Variants in YAF2 observed in about 807,000 individuals in gnomAD.
YAF2 encodes the protein YY1 associated factor 2, also known as YY1-associated factor 2.
YAF2 carries 7 observed loss-of-function variants against 20.1 expected under a neutral mutation model. The observed-to-expected ratio is 0.35, with a 90% confidence interval of 0.20 to 0.65. The LOEUF (loss-of-function observed/expected upper bound fraction) is 0.65. YAF2 is among the 30% of genes least tolerant of loss of function. The pLI is 0.69. For synonymous variants in YAF2, 74 were observed against 76.0 expected, an observed-to-expected ratio of 0.97 and a Z score of 0.14; for missense variants, 151 against 219.2, an observed-to-expected ratio of 0.69 and a Z score of 1.96.
intron 2 of YAF2, chr12:42,233,913 G>C (rs2068055392): frequency 1.0e-6 from 1 of 985,000 alleles, no homozygotes; most frequent in Non-Finnish European, 1.2e-6. Context: ...TCTCACTCCT[G>C]TAATCCCAGC....
intron 2 of YAF2, chr12:42,210,672 TTTTC>T (rs1218322701): frequency 6.5e-7 from 1 of 1,535,186 alleles, no homozygotes; most frequent in African/African-American, 1.4e-5. Context: ...TGATCCAGCT[TTTTC>T]TTCTCTATCA....
chr12:42,228,333 A>G (rs375818792), intron 2 of YAF2, among the ~76,000 whole-genome samples: 19 of 50,070 alleles, frequency 3.8e-4, no homozygotes, highest in South Asian at 2.3e-3. Context: ...CAGCCACCCC[A>G]TCCGGGAGGT....
intron 2 of YAF2, among the ~76,000 whole-genome samples, chr12:42,219,630 A>T (rs907665929): frequency 4.6e-5 from 7 of 152,202 alleles, no homozygotes; most frequent in African/African-American, 9.7e-5. Flanking sequence ...CTGCACACAC[A>T]CATGCACACA....
Position 42,238,203 on chromosome 12 carries a change from G to A in YAF2, c.-23C>T, listed in dbSNP as rs538176708. The A allele has an allele frequency of 4.0e-6, 6 of 1,496,804 alleles. No homozygotes were observed. The highest frequency in any genetic ancestry group is 1.2e-5 in the South Asian group (1 of 82,220). The allele number at this position is 1,496,804 out of a possible 1,614,324, so 92.7% of individuals were successfully genotyped here. ...CATGGCTTGGCTATCACCGCACGCC[G>A]AGAGTCGCCGCCGCGACCGCTCTGT... On this transcript the variant is annotated 5_prime_UTR_variant, in exon 1 of 4. Coordinates refer to ENST00000534854, the MANE Select transcript of YAF2 (RefSeq NM_005748.6).
At chr12:42,202,083 G>T (rs1373146552) in intron 2 of YAF2, among the ~76,000 whole-genome samples, 1 of 151,972 alleles carries the variant, frequency 6.6e-6, no homozygotes. Context: ...TTCACGTATT[G>T]CTTGAAGCAG....
chr12:42,185,135 G>A (rs61940203), intron 2 of YAF2, among the ~76,000 whole-genome samples: 27,823 of 152,084 alleles, frequency 0.18, 2,651 homozygotes, highest in Admixed American at 0.24. Context: ...CCAAGATCGC[G>A]CCACTGCACT....
chr12:42,213,565 T>C (rs1380877492), intron 2 of YAF2, among the ~76,000 whole-genome samples: 1 of 152,196 alleles, frequency 6.6e-6, no homozygotes, highest in Non-Finnish European at 1.5e-5. Context: ...CCAACTTGAG[T>C]GGCTCTAAGT....
At chr12:42,197,562 A>G (rs958644026) in intron 2 of YAF2, among the ~76,000 whole-genome samples, 5 of 152,220 alleles carry the variant, frequency 3.3e-5, no homozygotes, top group Non-Finnish European at 5.9e-5. Context: ...ATGCCCAGAT[A>G]ACAGGGTTGG....
chr12:42,211,742 CAAAAAAAA>C (rs1173533325), intron 2 of YAF2, among the ~76,000 whole-genome samples: 1 of 42,396 alleles, frequency 2.4e-5, no homozygotes, highest in African/African-American at 9.0e-5. Context: ...AGACTCTGTC[CAAAAAAAA>C]AAAAAAAAAA....
intron 2 of YAF2, among the ~76,000 whole-genome samples, chr12:42,176,778 A>G (rs1034203095): frequency 2.0e-5 from 3 of 152,106 alleles, no homozygotes; most frequent in African/African-American, 7.2e-5. Flanking sequence ...CCTGGCCAAT[A>G]TGGCGAAACC....
At chr12:42,174,519 C>G (rs1456540094) in intron 2 of YAF2, among the ~76,000 whole-genome samples, 7 of 152,172 alleles carry the variant, frequency 4.6e-5, no homozygotes, top group Admixed American at 4.6e-4. Context: ...AGGACTGAGT[C>G]TTTGGATACC....
At chr12:42,227,829 C>T (rs1375231961) in intron 2 of YAF2, among the ~76,000 whole-genome samples, 3 of 142,418 alleles carry the variant, frequency 2.1e-5, no homozygotes, top group Non-Finnish European at 3.1e-5. Context: ...CCAGCCGTGC[C>T]GTCCGGGAGG....
At chr12:42,188,786 G>A (rs2066539076) in intron 2 of YAF2, among the ~76,000 whole-genome samples, 1 of 151,766 alleles carries the variant, frequency 6.6e-6, no homozygotes, top group Non-Finnish European at 1.5e-5. Context: ...GTTCACTGTT[G>A]AGACGCTATT....
In YAF2 at chr12:42,228,164, C is replaced by T. The variant is rs1418348240; in HGVS notation, c.152+9435G>A. On this transcript the variant is annotated intron_variant, in intron 2 of 3. Coordinates refer to ENST00000534854, the MANE Select transcript of YAF2 (RefSeq NM_005748.6). ...AGGGAGGTGGGGGGGGTCGGCCCCC[C>T]GCCCGGCCAGCCGCCCCGTCCGGGA... Among the ~76,000 whole-genome samples, 19 of 72,860 alleles carry T rather than the reference C, an allele frequency of 2.6e-4. 1 individual carries two copies. Among genetic ancestry groups the T allele is most frequent in the African/African-American group, 9.6e-4 (15 of 15,586 alleles). 47.8% of individuals were successfully genotyped at this position (72,860 alleles called of 152,430 possible).
chr12:42,228,072 G>A (rs1406943415), intron 2 of YAF2, among the ~76,000 whole-genome samples: 3 of 103,462 alleles, frequency 2.9e-5, no homozygotes, highest in South Asian at 4.0e-4. Flanking sequence ...GGTGAGGGGC[G>A]CCTCTGCCCA....
At chr12:42,220,474 A>G (rs970808609) in intron 2 of YAF2, among the ~76,000 whole-genome samples, 3 of 152,246 alleles carry the variant, frequency 2.0e-5, no homozygotes, top group African/African-American at 7.2e-5. Context: ...TGAAGCAATC[A>G]TAACATTTTA....
chr12:42,164,703 C>A (rs1252490211), intron 2 of YAF2, among the ~76,000 whole-genome samples: 1 of 151,586 alleles, frequency 6.6e-6, no homozygotes, highest in Non-Finnish European at 1.5e-5. Flanking sequence ...TAAATCCATA[C>A]ATATTGTGAA....
chr12:42,177,654 T>C (rs1759301189), intron 2 of YAF2, among the ~76,000 whole-genome samples: 1 of 152,126 alleles, frequency 6.6e-6, no homozygotes, highest in Admixed American at 6.6e-5. Flanking sequence ...TGCAACTGAG[T>C]CCACAGCATC....
At chr12:42,169,934 A>G (rs554267751) in intron 2 of YAF2, among the ~76,000 whole-genome samples, 5 of 151,968 alleles carry the variant, frequency 3.3e-5, no homozygotes, top group Admixed American at 2.6e-4. Context: ...GCAGTGGTAC[A>G]ATCACAACTC....
Sources: gnomAD v4.1 joint callset for allele counts (sites outside exome capture counted in the v4.1 genomes callset) on GRCh38, gnomAD v4.1.1 for gene constraint, MANE v1.5 for transcripts, NCBI Gene and HGNC (gene_info 2026-07-23, HGNC 2026-07-21) for gene names.